Variants in ADAM10 observed in about 807,000 individuals in gnomAD.
ADAM10 encodes the protein ADAM metallopeptidase domain 10.
A neutral mutation model predicts 90.1 loss-of-function variants in ADAM10; 17 were observed. The ratio of observed to expected loss-of-function variants is 0.19; its 90% CI spans 0.13 to 0.28. The LOEUF is 0.28. Ranked by LOEUF, ADAM10 falls within the 10% of genes least tolerant of loss-of-function variation. The probability of loss-of-function intolerance (pLI) is 1.00; values close to 1 mark genes in which losing one functional copy is unlikely to be tolerated. For missense variants in ADAM10, 610 were observed against 914.3 expected (o/e 0.67, Z 4.29); for synonymous variants, 310 against 298.6 (o/e 1.04, Z -0.40).
intron 11 of ADAM10, 150 bp from the exon 12 acceptor site, chr15:58,612,141 T>C (rs112749117): frequency 1.3e-5 from 11 of 838,660 alleles, no homozygotes; most frequent in Non-Finnish European, 1.7e-5. Context: ...GTTACTGGTA[T>C]ACAACTTCAA....
rs143787483 is a variant in ADAM10, at chr15:58,629,718, T to G, written c.1177-1835A>C. ...AATTTTGATCTATTTCCTATCTGAC[T>G]TATATCTAGCTGTATCACATTTTAA... On this transcript the variant is annotated intron_variant, in intron 9 of 15. Transcript: ENST00000260408. Among the ~76,000 whole-genome samples, 416 of 152,346 alleles carry G rather than the reference T, an allele frequency of 2.7e-3. 1 individual carries two copies. The highest frequency in any genetic ancestry group is 9.4e-3 in the African/African-American group (391 of 41,574).
At chr15:58,727,204 TTC>T (rs1266596221) in intron 1 of ADAM10, among the ~76,000 whole-genome samples, 4,488 of 125,476 alleles carry the variant, frequency 0.036, 770 homozygotes, top group African/African-American at 0.15. Context: ...TTTTTTTTTT[TTC>T]CCAAAAACAG....
rs76362248 is a variant in ADAM10 at position 58,631,505 on chromosome 15, G to A, written c.1176+1691C>T. On this transcript the variant is annotated intron_variant, in intron 9 of 15. Transcript: ENST00000260408. ...CCCTACTGCAGTGTGGTTCACAGAT[G>A]AGCACCAGCAGCAGCAGCAGCAGCA... is the stretch of plus-strand genomic sequence containing the variant. Among the ~76,000 whole-genome samples the A allele has an allele frequency of 8.3e-4, 126 of 152,274 alleles. 1 individual carries two copies. The East Asian group carries it at 0.022, about 27-fold the overall frequency.
chr15:58,651,757 T>C (rs1422760304), intron 5 of ADAM10, among the ~76,000 whole-genome samples: 2 of 152,140 alleles, frequency 1.3e-5, no homozygotes, highest in Non-Finnish European at 1.5e-5. Flanking sequence ...TCTCTTCGGG[T>C]AGATGTGCAG....
chr15:58,621,413 A>G (rs1276774802), intron 11 of ADAM10, 58 bp downstream of exon 11: 3 of 1,600,742 alleles, frequency 1.9e-6, no homozygotes, highest in East Asian at 2.2e-5. Flanking sequence ...TAAATTTGTC[A>G]TAACTGCATT....
intron 1 of ADAM10, among the ~76,000 whole-genome samples, chr15:58,719,728 A>G (rs1898779076): frequency 6.6e-6 from 1 of 152,238 alleles, no homozygotes; most frequent in Non-Finnish European, 1.5e-5. Flanking sequence ...CTAGAATAAA[A>G]AAAAATGATC....
chr15:58,677,889 T>C (rs1235369691), intron 4 of ADAM10, among the ~76,000 whole-genome samples: 5 of 152,116 alleles, frequency 3.3e-5, no homozygotes, highest in African/African-American at 9.7e-5. Flanking sequence ...AGAACTTACA[T>C]ACCCTGATAG....
At chr15:58,714,286 T>TACACACACACAC (rs1249808977) in intron 2 of ADAM10, among the ~76,000 whole-genome samples, 1 of 75,732 alleles carries the variant, frequency 1.3e-5, no homozygotes, top group African/African-American at 6.2e-5. Flanking sequence ...TACTTATACA[T>TACACACACACAC]ACACATACAC....
chr15:58,655,677 C>CATAT (rs60720463), intron 5 of ADAM10, among the ~76,000 whole-genome samples: 3 of 72,470 alleles, frequency 4.1e-5, no homozygotes, highest in African/African-American at 7.2e-5. Context: ...TACATACATA[C>CATAT]ATATATATAT....
At chr15:58,685,861 G>A (rs1897586767) in intron 2 of ADAM10, among the ~76,000 whole-genome samples, 1 of 152,012 alleles carries the variant, frequency 6.6e-6, no homozygotes, top group South Asian at 2.1e-4. Context: ...AAAAACTACT[G>A]CTCTTTGGAC....
At chr15:58,712,368 A>T (rs1370440591) in intron 2 of ADAM10, among the ~76,000 whole-genome samples, 1 of 151,662 alleles carries the variant, frequency 6.6e-6, no homozygotes, top group Admixed American at 6.6e-5. Context: ...AAAAAAAAAT[A>T]TGAAAATTAG....
At chr15:58,627,359 A>G (rs1252041763) in intron 10 of ADAM10, among the ~76,000 whole-genome samples, 4 of 152,196 alleles carry the variant, frequency 2.6e-5, no homozygotes, top group Admixed American at 2.6e-4. Flanking sequence ...AGGTAAATGC[A>G]TCTGTCAAAA....
chr15:58,700,824 G>A (rs1247287955), intron 2 of ADAM10, among the ~76,000 whole-genome samples: 2 of 151,804 alleles, frequency 1.3e-5, no homozygotes, highest in Non-Finnish European at 2.9e-5. Flanking sequence ...AGACCAGCAT[G>A]AGCAACATAG....
chr15:58,660,507 A>G (rs568165923), intron 5 of ADAM10, among the ~76,000 whole-genome samples: 2 of 152,196 alleles, frequency 1.3e-5, no homozygotes, highest in South Asian at 4.1e-4. Context: ...AAATTGAGAC[A>G]GGGTCTCGCT....
intron 11 of ADAM10, among the ~76,000 whole-genome samples, chr15:58,619,308 T>C (rs558096810): frequency 1.3e-5 from 2 of 152,246 alleles, no homozygotes; most frequent in African/African-American, 2.4e-5. Flanking sequence ...GAGAGTAGAA[T>C]GGTGTTACAA....
intron 6 of ADAM10, among the ~76,000 whole-genome samples, chr15:58,644,523 C>A (rs371444896): frequency 6.6e-6 from 1 of 152,214 alleles, no homozygotes; most frequent in East Asian, 1.9e-4. Flanking sequence ...GCCACCACAA[C>A]TGGCCTAAAC....
chr15:58,627,942 C>A, intron 9 of ADAM10, 59 bp from the exon 10 acceptor site: 1 of 1,513,678 alleles, frequency 6.6e-7, no homozygotes, highest in South Asian at 1.1e-5. Flanking sequence ...TTCAGGTCAA[C>A]TGATTAAACG....
chr15:58,602,855 G>C (rs1895152309), intron 14 of ADAM10, among the ~76,000 whole-genome samples: 1 of 152,116 alleles, frequency 6.6e-6, no homozygotes, highest in African/African-American at 2.4e-5. Context: ...AAACTCAAAA[G>C]CTTACATGGA....
At chr15:58,719,035 A>G (rs574682155) in intron 1 of ADAM10, among the ~76,000 whole-genome samples, 1 of 152,256 alleles carries the variant, frequency 6.6e-6, no homozygotes, top group South Asian at 2.1e-4. Flanking sequence ...CTTAAAAACC[A>G]TTGTTTCGCT....
Sources: allele counts gnomAD v4.1 joint callset (sites outside exome capture counted in the v4.1 genomes callset), GRCh38; gene constraint gnomAD v4.1.1; transcripts MANE v1.5; gene names NCBI Gene and HGNC (gene_info 2026-07-23, HGNC 2026-07-21).